ZEB1: variants seen among roughly 807,000 people sequenced by gnomAD.
The protein encoded by ZEB1 is zinc finger E-box binding homeobox 1, also known as zinc finger E-box-binding homeobox 1.
Under a neutral mutation model 84.9 loss-of-function variants are expected in ZEB1, and 21 were observed. The observed-to-expected ratio is 0.25, with a 90% CI of 0.18 to 0.36. The LOEUF is 0.36. Ranked by LOEUF, ZEB1 falls within the 10% of genes least tolerant of loss-of-function variation. The pLI is 1.00. For missense variants in ZEB1, 1,104 were observed against 1,330.2 expected (o/e 0.83, Z 2.65); for synonymous variants, 420 against 471.1 (o/e 0.89, Z 1.41).
intron 1 of ZEB1, among the ~76,000 whole-genome samples, chr10:31,367,909 A>C (rs1465712432): frequency 3.9e-5 from 6 of 152,010 alleles, no homozygotes; most frequent in Admixed American, 3.9e-4. Context: ...AAATAATTAC[A>C]CTTTCTAAAA....
At chr10:31,362,531 CT>C (rs879106713) in intron 1 of ZEB1, among the ~76,000 whole-genome samples, 1 of 151,382 alleles carries the variant, frequency 6.6e-6, no homozygotes, top group Non-Finnish European at 1.5e-5. Context: ...GGGGCAGGGC[CT>C]GGGCAGAGGC....
chr10:31,510,933 A>C, intron 5 of ZEB1, 58 bp downstream of exon 5: 2 of 1,490,148 alleles, frequency 1.3e-6, no homozygotes, highest in South Asian at 1.1e-5. Context: ...TCAGCCCTCA[A>C]TGGAAGGCAA....
intron 6 of ZEB1, among the ~76,000 whole-genome samples, chr10:31,515,911 A>G (rs1592043358): frequency 6.6e-6 from 1 of 152,092 alleles, no homozygotes; most frequent in South Asian, 2.1e-4. Context: ...GTTAATAAAG[A>G]TATAGCTAAT....
chr10:31,430,364 T>C (rs541227557), intron 1 of ZEB1, among the ~76,000 whole-genome samples: 3 of 152,302 alleles, frequency 2.0e-5, no homozygotes, highest in East Asian at 1.9e-4. Context: ...AAAAATCTTA[T>C]AAGTAGTTAT....
intron 1 of ZEB1, among the ~76,000 whole-genome samples, chr10:31,382,025 A>AAACAAAAC (rs2047763776): frequency 6.8e-6 from 1 of 146,072 alleles, no homozygotes; most frequent in African/African-American, 2.7e-5. Context: ...AAAAAAAAAA[A>AAACAAAAC]AAAAAAAAAC....
intron 6 of ZEB1, among the ~76,000 whole-genome samples, chr10:31,516,969 A>G (rs2071272296): frequency 6.6e-6 from 1 of 152,080 alleles, no homozygotes; most frequent in Non-Finnish European, 1.5e-5. Flanking sequence ...ACAGAAATTG[A>G]GAGTAAGCAT....
chr10:31,319,892 G>T lies in ZEB1; in HGVS notation c.58+600G>T, dbSNP rs542344784. On this transcript the variant is annotated intron_variant, in intron 1 of 8. Coordinates refer to ENST00000424869, the MANE Select transcript of ZEB1 (RefSeq NM_001174096.2). Reference sequence around the variant, plus strand: ...GCCGGGCTGTGGGCGCGCGGCAGGCGGGCTGCGGCGGCGGCGGGACGGGGC... The same window carrying T: ...GCCGGGCTGTGGGCGCGCGGCAGGCTGGCTGCGGCGGCGGCGGGACGGGGC... 1.7e-3 allele frequency: 223 copies of T among 131,510 alleles called. 1 individual carries two copies. The highest frequency in any genetic ancestry group is 0.01 in the Admixed American group (148 of 14,238). The allele number at this position is 131,510 out of a possible 1,614,324, so 8.1% of individuals were successfully genotyped here. A position where few individuals can be genotyped will look rare whatever the true frequency, so the allele number is the denominator to read the frequency against.
chr10:31,347,240 C>T (rs1264851149), intron 1 of ZEB1, among the ~76,000 whole-genome samples: 1 of 152,200 alleles, frequency 6.6e-6, no homozygotes, highest in Non-Finnish European at 1.5e-5. Flanking sequence ...CATTCTCTCT[C>T]CCTGTGTAAC....
At chr10:31,362,952 A>C (rs1335978999) in intron 1 of ZEB1, 1 of 1,533,270 alleles carries the variant, frequency 6.5e-7, no homozygotes, top group Non-Finnish European at 8.7e-7. Flanking sequence ...GGGAAGCCTG[A>C]CCCACCAACA....
In ZEB1 at chr10:31,369,362, C is replaced by T. The variant is rs150748711; in HGVS notation, c.58+50070C>T. On this transcript the variant is annotated intron_variant, in intron 1 of 8. Coordinates refer to ENST00000424869, the MANE Select transcript of ZEB1 (RefSeq NM_001174096.2). The stretch of plus-strand genomic sequence containing the variant: ...ACCCCTTGATCAACTCCCCCCACCA[C>T]CCTCCTACCCTAGCCTCTGGTAACC... Among the ~76,000 whole-genome samples, 793 of 152,314 alleles carry T rather than the reference C, an allele frequency of 5.2e-3. 11 individuals carry two copies. The highest frequency in any genetic ancestry group is 4.1e-3 in the Non-Finnish European group (279 of 68,010).
At chr10:31,468,991 G>C (rs2062803188) in intron 2 of ZEB1, among the ~76,000 whole-genome samples, 1 of 152,152 alleles carries the variant, frequency 6.6e-6, no homozygotes. Context: ...GAAGCCTAGT[G>C]AGATACAAGA....
At chr10:31,486,779 T>C (rs1045146867) in intron 2 of ZEB1, among the ~76,000 whole-genome samples, 4 of 151,578 alleles carry the variant, frequency 2.6e-5, no homozygotes, top group African/African-American at 9.7e-5. Context: ...AAAGTTTTAA[T>C]TGAGATTTAG....
chr10:31,496,546 G>A (rs1332318741), intron 3 of ZEB1, among the ~76,000 whole-genome samples: 2 of 151,968 alleles, frequency 1.3e-5, no homozygotes, highest in Non-Finnish European at 2.9e-5. Context: ...ACTTTTTATT[G>A]TGTTCCCTAA....
At chr10:31,323,711 TGA>T (rs2034721720) in intron 1 of ZEB1, among the ~76,000 whole-genome samples, 1 of 152,112 alleles carries the variant, frequency 6.6e-6, no homozygotes, top group Non-Finnish European at 1.5e-5. Context: ...AATAATTGCA[TGA>T]GACTGTATTT....
At chr10:31,454,527 C>T (rs1444766751) in intron 1 of ZEB1, among the ~76,000 whole-genome samples, 2 of 152,152 alleles carry the variant, frequency 1.3e-5, no homozygotes, top group South Asian at 4.1e-4. Flanking sequence ...ACCCCTTTGT[C>T]TCAGCCCCAA....
At chr10:31,469,936 C>T (rs2062978389) in intron 2 of ZEB1, among the ~76,000 whole-genome samples, 1 of 152,166 alleles carries the variant, frequency 6.6e-6, no homozygotes, top group East Asian at 1.9e-4. Context: ...CTGGGAGGCA[C>T]CCCCCAGCAG....
In ZEB1 at chr10:31,331,081, C is replaced by CTTTTTTTTTTTT. The variant is rs548615284; in HGVS notation, c.58+11804_58+11815dup. Among the ~76,000 whole-genome samples, 66 of 77,852 alleles carry CTTTTTTTTTTTT rather than the reference C, an allele frequency of 8.5e-4. 2 individuals carry two copies. Among genetic ancestry groups the CTTTTTTTTTTTT allele is most frequent in the Middle Eastern group, 0.01 (1 of 96 alleles). The allele number at this position is 77,852 out of a possible 152,430, so 51.1% of individuals were successfully genotyped here. On this transcript the variant is annotated intron_variant, in intron 1 of 8. Transcript: ENST00000424869. Reference sequence around the variant, plus strand: ...ATTTTCTTTTCTTTTTTCTTTCTTTCTTTTTTTTTTTTTTTTTTTTTTTTT... The same window carrying CTTTTTTTTTTTT: ...ATTTTCTTTTCTTTTTTCTTTCTTTCTTTTTTTTTTTTTTTTTTTTTTTTTTTTTTTTTTTTT...
At chr10:31,484,926 C>T (rs1439518640) in intron 2 of ZEB1, among the ~76,000 whole-genome samples, 1 of 151,898 alleles carries the variant, frequency 6.6e-6, no homozygotes, top group Non-Finnish European at 1.5e-5. Context: ...TGTTGCAGCA[C>T]TTTTGCAATG....
chr10:31,354,723 G>A (rs1012383522), intron 1 of ZEB1, among the ~76,000 whole-genome samples: 1 of 152,078 alleles, frequency 6.6e-6, no homozygotes, highest in Admixed American at 6.6e-5. Flanking sequence ...CAGATATTTG[G>A]TATCTGCTCA....
Sources: gnomAD v4.1 joint callset for allele counts (sites outside exome capture counted in the v4.1 genomes callset) on GRCh38, gnomAD v4.1.1 for gene constraint, MANE v1.5 for transcripts, NCBI Gene and HGNC (gene_info 2026-07-23, HGNC 2026-07-21) for gene names.